The following MCTP2 variants were observed in gnomAD, a reference collection of about 807,000 sequenced individuals.
The protein encoded by MCTP2 is multiple C2 and transmembrane domain-containing protein 2.
MCTP2 carries 132 observed loss-of-function variants against 111.6 expected under a neutral mutation model. That is an observed-to-expected ratio of 1.18 (90% CI 1.03 to 1.37). MCTP2 has a LOEUF of 1.37. Among genes scored for constraint, MCTP2 ranks in the 40% most tolerant of loss-of-function variants. The pLI is 0.00. For synonymous variants in MCTP2, 395 were observed against 387.7 expected (o/e 1.02, Z -0.22); for missense variants, 1,183 against 1,067.9 (o/e 1.11, Z -1.50).
intron 11 of MCTP2, among the ~76,000 whole-genome samples, chr15:94,368,402 T>A (rs2079310265): frequency 6.6e-6 from 1 of 152,228 alleles, no homozygotes; most frequent in African/African-American, 2.4e-5. Flanking sequence ...TCTAGGTGCC[T>A]TTATTTGCAT....
At chr15:94,437,467 A>T (rs1368983207) in intron 17 of MCTP2, among the ~76,000 whole-genome samples, 1 of 152,096 alleles carries the variant, frequency 6.6e-6, no homozygotes, top group African/African-American at 2.4e-5. Context: ...AAAATGAAAC[A>T]TGGAAAATCA....
chr15:94,290,180 G>A (rs548252742), intron 1 of MCTP2, among the ~76,000 whole-genome samples: 49 of 151,976 alleles, frequency 3.2e-4, no homozygotes, highest in East Asian at 1.9e-3. Flanking sequence ...TCTTGTCAGC[G>A]CTTTGATTTC....
At chr15:94,323,527 C>T (rs2076717605) in intron 4 of MCTP2, among the ~76,000 whole-genome samples, 1 of 152,166 alleles carries the variant, frequency 6.6e-6, no homozygotes, top group Non-Finnish European at 1.5e-5. Flanking sequence ...TCCAGTTCTT[C>T]AAGAATTTCC....
rs748815661 is a variant in MCTP2 at position 94,314,274 on chromosome 15, C to A, written c.466-8C>A. Reference sequence around the variant, plus strand: ...GTAAAGCAGATTTTTTTTTCTTTTTCTTTGCAGAAGCTATGTGGAAGCAGT... The same window carrying A: ...GTAAAGCAGATTTTTTTTTCTTTTTATTTGCAGAAGCTATGTGGAAGCAGT... On this transcript the variant is annotated splice_polypyrimidine_tract_variant and splice_region_variant and intron_variant, in intron 2 of 22. Coordinates refer to ENST00000357742, the MANE Select transcript of MCTP2 (RefSeq NM_001385001.1). 1.0e-5 allele frequency: 16 copies of A among 1,586,542 alleles called. No homozygotes were observed. Among genetic ancestry groups the A allele is most frequent in the Admixed American group, 3.6e-5 (2 of 56,010 alleles).
At chr15:94,312,696 G>A (rs1463427325) in intron 2 of MCTP2, among the ~76,000 whole-genome samples, 2 of 152,176 alleles carry the variant, frequency 1.3e-5, no homozygotes, top group Non-Finnish European at 2.9e-5. Context: ...GAACCTTAGG[G>A]CCTCTTTGTC....
At chr15:94,343,646 G>A (rs186925588) in intron 7 of MCTP2, 36 of 152,286 alleles carry the variant, frequency 2.4e-4, no homozygotes, top group Non-Finnish European at 3.5e-4. Flanking sequence ...GAAAAAAATA[G>A]TAGCTAAAAT....
intron 9 of MCTP2, 25 bp downstream of exon 9, chr15:94,356,326 A>T: frequency 6.6e-7 from 1 of 1,510,860 alleles, no homozygotes; most frequent in Non-Finnish European, 8.8e-7. Flanking sequence ...TTCCATAAGG[A>T]GAACAGTATC....
In MCTP2 at chr15:94,403,549, G is replaced by A. The variant is rs372792713; in HGVS notation, c.2085+1530G>A. On this transcript the variant is annotated intron_variant, in intron 17 of 22. Transcript: ENST00000357742. ...GGCACTGTGATTTTAGAAAAACAGA[G>A]ATCTGTTGCCCTGGATTCTGTAGGG... Among the ~76,000 whole-genome samples, 143 of 152,346 alleles carry A rather than the reference G, an allele frequency of 9.4e-4. 1 individual carries two copies. In the South Asian group the frequency reaches 0.029, roughly 31 times the overall value.
intron 1 of MCTP2, among the ~76,000 whole-genome samples, chr15:94,255,640 A>G (rs1306310872): frequency 6.6e-6 from 1 of 152,036 alleles, no homozygotes; most frequent in Admixed American, 6.6e-5. Flanking sequence ...GGTAGGAGAG[A>G]GTGGAGGAGG....
intron 17 of MCTP2, among the ~76,000 whole-genome samples, chr15:94,434,136 C>G (rs1186557715): frequency 1.3e-5 from 2 of 151,602 alleles, no homozygotes; most frequent in Admixed American, 1.3e-4. Context: ...CTGTCTCACT[C>G]TGTCACCCAG....
chr15:94,432,550 G>A (rs1047478558), intron 17 of MCTP2, among the ~76,000 whole-genome samples: 2 of 152,012 alleles, frequency 1.3e-5, no homozygotes, highest in African/African-American at 4.8e-5. Flanking sequence ...CAAAATACAA[G>A]TATAAAACAA....
chr15:94,254,789 ATTAAT>A (rs1392999781), intron 1 of MCTP2, among the ~76,000 whole-genome samples: 1 of 152,254 alleles, frequency 6.6e-6, no homozygotes, highest in Non-Finnish European at 1.5e-5. Context: ...GAGAGTAAGC[ATTAAT>A]TTGTCATTGA....
At chr15:94,470,209 A>C in intron 20 of MCTP2, 124 bp from the exon 21 acceptor site, 2 of 694,926 alleles carry the variant, frequency 2.9e-6, no homozygotes, top group East Asian at 2.7e-5. Flanking sequence ...GTTTTTAACA[A>C]AATTTTTCCA....
intron 1 of MCTP2, among the ~76,000 whole-genome samples, chr15:94,243,028 TACACATAC>T (rs1181070907): frequency 0.1 from 8,497 of 83,486 alleles, 2,533 homozygotes; most frequent in Non-Finnish European, 0.13. Context: ...TATGTGTATC[TACACATAC>T]ACGTGTATAT....
intron 17 of MCTP2, among the ~76,000 whole-genome samples, chr15:94,427,101 T>A (rs2082931048): frequency 6.6e-6 from 1 of 152,198 alleles, no homozygotes; most frequent in African/African-American, 2.4e-5. Context: ...GAAATGAATG[T>A]AGAATGTCCA....
At chr15:94,399,171 C>T in intron 15 of MCTP2, 109 bp downstream of exon 15, 1 of 650,208 alleles carries the variant, frequency 1.5e-6, no homozygotes, top group Non-Finnish European at 2.8e-6. Flanking sequence ...TTTGCAGCTA[C>T]AGAGAGGAAA....
chr15:94,311,894 T>G (rs188805125), intron 2 of MCTP2, among the ~76,000 whole-genome samples: 1 of 152,356 alleles, frequency 6.6e-6, no homozygotes, highest in Admixed American at 6.5e-5. Context: ...AGAATATATA[T>G]GGTCCAGTCT....
intron 14 of MCTP2, among the ~76,000 whole-genome samples, chr15:94,391,417 A>G (rs2080969501): frequency 6.6e-6 from 1 of 152,218 alleles, no homozygotes; most frequent in Non-Finnish European, 1.5e-5. Context: ...AAGCTTTAAA[A>G]AAAGTAAATC....
chr15:94,448,092 G>A (rs993774915), intron 19 of MCTP2, among the ~76,000 whole-genome samples: 1 of 151,010 alleles, frequency 6.6e-6, no homozygotes. Context: ...TTGGATGAGA[G>A]GGGGTTGCCT....
Sources: allele counts gnomAD v4.1 joint callset (sites outside exome capture counted in the v4.1 genomes callset), GRCh38; gene constraint gnomAD v4.1.1; transcripts MANE v1.5; gene names NCBI Gene and HGNC (gene_info 2026-07-23, HGNC 2026-07-21).